The following GRHPR variants were observed in gnomAD, a reference collection of about 807,000 sequenced individuals.
The protein encoded by GRHPR is glyoxylate and hydroxypyruvate reductase.
GRHPR carries 35 observed loss-of-function variants against 36.8 expected under a neutral mutation model. That is an observed-to-expected ratio of 0.95 (90% CI 0.73 to 1.26). The LOEUF is 1.26. Ranked by LOEUF, GRHPR falls within the 50% of genes most tolerant of loss-of-function variation. The probability of loss-of-function intolerance (pLI) is 0.00; values close to 1 mark genes in which losing one functional copy is unlikely to be tolerated. For missense variants in GRHPR, 380 were observed against 435.0 expected (o/e 0.87, Z 1.12); for synonymous variants, 179 against 181.0 (o/e 0.99, Z 0.09).
chr9:37,430,834 T>G (rs1823329187), intron 7 of GRHPR, 188 bp downstream of exon 7: 1 of 695,160 alleles, frequency 1.4e-6, no homozygotes, highest in Non-Finnish European at 2.7e-6. Flanking sequence ...AGAAGAGCCG[T>G]CAGAGTGGGC....
At chr9:37,430,881 G>T in intron 7 of GRHPR, 2 of 631,140 alleles carry the variant, frequency 3.2e-6, no homozygotes, top group East Asian at 6.8e-5. Context: ...CCCCCACCCG[G>T]CGGGGCCTGG....
chr9:37,427,837 C>CA (rs1402474005), intron 4 of GRHPR: 5,096 of 137,376 alleles, frequency 0.037, 112 homozygotes, highest in South Asian at 0.092. Flanking sequence ...GACCCTGTCT[C>CA]CAAAAAAAAA....
intron 4 of GRHPR, chr9:37,428,081 G>T (rs1257984890): frequency 3.0e-6 from 1 of 334,178 alleles, no homozygotes; most frequent in Non-Finnish European, 5.8e-6. Context: ...AGGGCAGCAG[G>T]GTGGGCCCTG....
At chr9:37,437,708 A>G (rs572789206), downstream of GRHPR, among the ~76,000 whole-genome samples, 3 of 141,396 alleles carry the variant, frequency 2.1e-5, no homozygotes, top group Non-Finnish European at 4.6e-5. Context: ...TTTAATCACC[A>G]CCTTACCCAC....
chr9:37,426,110 G>A (rs1246903929), intron 3 of GRHPR, 116 bp downstream of exon 3: 3 of 765,876 alleles, frequency 3.9e-6, no homozygotes, highest in Non-Finnish European at 7.1e-6. Flanking sequence ...AGAATGTGAG[G>A]TGGCTGATGA....
chr9:37,435,356 T>C (rs1400096361), intron 8 of GRHPR, among the ~76,000 whole-genome samples: 1 of 152,234 alleles, frequency 6.6e-6, no homozygotes, highest in Non-Finnish European at 1.5e-5. Context: ...CCTGACATAT[T>C]TTGGTTTCCA....
chr9:37,425,073 G>A, intron 2 of GRHPR, 98 bp downstream of exon 2: 11 of 1,279,290 alleles, frequency 8.6e-6, no homozygotes, highest in Non-Finnish European at 1.1e-5. Flanking sequence ...TGCTGTCTGG[G>A]TTCTGAGGGC....
At position 37,422,722 on chromosome 9, in the gene GRHPR, C is replaced by A; in HGVS notation, c.-29C>A. 1 of 1,530,428 alleles carries A rather than the reference C, an allele frequency of 6.5e-7. No individual in the cohort carries two copies. The highest frequency in any genetic ancestry group is 8.9e-7 in the Non-Finnish European group (1 of 1,125,594). 94.8% of individuals were successfully genotyped at this position (1,530,428 alleles called of 1,614,324 possible). The stretch of plus-strand genomic sequence containing the variant: ...CATTCCCGGGCCAGCTTCTGTACTG[C>A]CAGGTCCGGGTCGGCGGCTGCACTG... On this transcript the variant is annotated 5_prime_UTR_variant, in exon 1 of 9. Coordinates refer to ENST00000318158, the MANE Select transcript of GRHPR (RefSeq NM_012203.2).
chr9:37,434,396 T>C, intron 8 of GRHPR: 1 of 503,548 alleles, frequency 2.0e-6, no homozygotes, highest in Non-Finnish European at 3.6e-6. Context: ...CTGCTTCCAC[T>C]ATAGTATGGA....
At chr9:37,427,780 G>A (rs1230998365) in intron 4 of GRHPR, 1 of 152,268 alleles carries the variant, frequency 6.6e-6, no homozygotes, top group Admixed American at 6.5e-5. Flanking sequence ...AGAGGCTGCA[G>A]TGAACCGAGA....
rs767052015 is a variant in GRHPR at position 37,429,737 on chromosome 9, GC to G, written c.501del (p.Ile168LeufsTer5). The G allele has an allele frequency of 6.2e-7, 1 of 1,608,132 alleles. No homozygotes were observed. The highest frequency in any genetic ancestry group is 1.1e-5 in the South Asian group (1 of 90,982). On this transcript the variant is annotated frameshift_variant, in exon 6 of 9. Coordinates refer to ENST00000318158, the MANE Select transcript of GRHPR (RefSeq NM_012203.2). LOFTEE classifies it high-confidence loss of function. ...ATGGACTCTCCTTGCTCTAGGCCAGGCCATTGCTCGGCGTCTGAAACCATTC... is the reference window on the plus strand; with the variant it reads ...ATGGACTCTCCTTGCTCTAGGCCAGGCATTGCTCGGCGTCTGAAACCATTC... ...GIIGLGRIGQ[A>X]IARRLKPFGV...
chr9:37,423,386 T>C (rs1339728065), intron 1 of GRHPR, among the ~76,000 whole-genome samples: 1 of 151,820 alleles, frequency 6.6e-6, no homozygotes, highest in Non-Finnish European at 1.5e-5. Flanking sequence ...TTGCTCAGGC[T>C]GGTCTCAAAT....
At chr9:37,423,403 G>A (rs1255687879) in intron 1 of GRHPR, among the ~76,000 whole-genome samples, 1 of 151,564 alleles carries the variant, frequency 6.6e-6, no homozygotes, top group East Asian at 1.9e-4. Context: ...AAATTCCTGG[G>A]CTCAAGCAAT....
Position 37,428,807 on chromosome 9 carries a change from AG to A in GRHPR, c.493+240del, listed in dbSNP as rs1186714153. The A allele has an allele frequency of 6.1e-6, 4 of 659,954 alleles. No homozygotes were observed. In the East Asian group the frequency reaches 1.1e-4, roughly 19 times the overall value. The allele number at this position is 659,954 out of a possible 1,614,324, so 40.9% of individuals were successfully genotyped here. The stretch of plus-strand genomic sequence containing the variant: ...GATAAAAGCAAGTTGCCTAAGGGTC[AG>A]GGGGCTTCATGATTCCGGCTCCATA... On this transcript the variant is annotated intron_variant, in intron 5 of 8. Transcript: ENST00000318158.
Position 37,432,127 on chromosome 9 carries a change from TGAA to T in GRHPR, c.858_860del (p.Lys286del). On this transcript the variant is annotated inframe_deletion, in exon 8 of 9. Transcript: ENST00000318158. ...CCTACAAACCACCCTCTCCTGACCC[TGAA>T]GAACTGTGGTAAGAACTGCACTTTC... is the stretch of plus-strand genomic sequence containing the variant. The T allele has an allele frequency of 6.2e-7, 1 of 1,613,968 alleles. No homozygotes were observed.
intron 8 of GRHPR, among the ~76,000 whole-genome samples, chr9:37,433,670 C>G (rs1305130673): frequency 6.6e-6 from 1 of 152,192 alleles, no homozygotes; most frequent in Admixed American, 6.5e-5. Context: ...CTCCCAGATG[C>G]CACTGATGCT....
Position 37,429,790 on chromosome 9 carries a change from G to T in GRHPR, c.552G>T (p.Gly184=), listed in dbSNP as rs780899894. The part of the protein sequence containing the change: ...PFGVQRFLYT[G]RQPRPEEAAE... Reference sequence around the variant, plus strand: ...GTGTCCAGAGATTTCTGTACACAGGGCGCCAGCCCAGGCCTGAGGAAGCAG... The same window carrying T: ...GTGTCCAGAGATTTCTGTACACAGGTCGCCAGCCCAGGCCTGAGGAAGCAG... The change falls in exon 6 of 9, where the codon GGG becomes GGT. Residue 184 remains glycine (G), a synonymous_variant. Transcript: ENST00000318158. 4 of 1,613,444 alleles carry T rather than the reference G, an allele frequency of 2.5e-6. No individual in the cohort carries two copies. The highest frequency in any genetic ancestry group is 3.4e-6 in the Non-Finnish European group (4 of 1,179,312).
intron 5 of GRHPR, chr9:37,428,904 G>A (rs141708617): frequency 9.6e-5 from 42 of 436,962 alleles, no homozygotes; most frequent in African/African-American, 8.4e-4. Context: ...CCATTCCCCC[G>A]ACACCTACTC....
In GRHPR at chr9:37,436,685, C is replaced by T; in HGVS notation, c.890C>T (p.Ala297Val). The change falls in exon 9 of 9, where the codon GCC becomes GTC. Residue 297 changes from alanine (A) to valine (V), a missense_variant. Ala to Val is a moderately conservative substitution (Grantham distance 64). Transcript: ENST00000318158. ...NCVILPHIGS[A>V]THRTRNTMSL... ...GTGATTCTGCCCCACATTGGCAGTG[C>T]CACCCACAGAACCCGCAACACCATG... 1 of 1,613,974 alleles carries T rather than the reference C, an allele frequency of 6.2e-7. No homozygotes were observed. The highest frequency in any genetic ancestry group is 1.3e-5 in the African/African-American group (1 of 75,040).
Sources: gnomAD v4.1 joint callset for allele counts (sites outside exome capture counted in the v4.1 genomes callset) on GRCh38, gnomAD v4.1.1 for gene constraint, MANE v1.5 for transcripts, NCBI Gene and HGNC (gene_info 2026-07-23, HGNC 2026-07-21) for gene names.